The following KIF1A variants were observed in gnomAD, a reference collection of about 807,000 sequenced individuals.
KIF1A encodes the protein kinesin-like protein KIF1A.
KIF1A carries 46 observed loss-of-function variants against 227.3 expected under a neutral mutation model. The ratio of observed to expected loss-of-function variants is 0.20; its 90% CI spans 0.16 to 0.26. The LOEUF (loss-of-function observed/expected upper bound fraction) is 0.26. KIF1A is among the 10% of genes least tolerant of loss of function. The pLI is 1.00. For missense variants in KIF1A, 1,683 were observed against 2,485.9 expected, an observed-to-expected ratio of 0.68 and a Z score of 6.87; for synonymous variants, 1,022 against 1,012.8, an observed-to-expected ratio of 1.01 and a Z score of -0.17.
intron 14 of KIF1A, among the ~76,000 whole-genome samples, chr2:240,771,857 A>G (rs2052043519): frequency 6.6e-6 from 1 of 152,084 alleles, no homozygotes; most frequent in Non-Finnish European, 1.5e-5. Context: ...AAGGCCCGGG[A>G]GGTGGGGCTG....
intron 38 of KIF1A, among the ~76,000 whole-genome samples, chr2:240,732,624 T>C (rs1358710661): frequency 4.1e-5 from 2 of 49,154 alleles, no homozygotes; most frequent in Admixed American, 5.3e-4. Flanking sequence ...GAGGGAGGGA[T>C]GAGGAGATGA....
chr2:240,766,749 T>TCTCTCTCACACACACACACACA lies in KIF1A; in HGVS notation c.1684+165_1684+166insTGTGTGTGTGTGTGTGAGAGAG, dbSNP rs1454271542. ...CTCTCTCTCTCTCTCTCTCTCTCTC[T>TCTCTCTCACACACACACACACA]CACACACACACACACACACACACAC... On this transcript the variant is annotated intron_variant, in intron 19 of 48. Coordinates refer to ENST00000498729, the MANE Select transcript of KIF1A (RefSeq NM_001244008.2). The surrounding 1 kb of genome is among the most constrained non-coding windows in gnomAD (Gnocchi z 5.0). 9.2e-6 allele frequency among the ~76,000 whole-genome samples: 1 copy of TCTCTCTCACACACACACACACA among 108,974 alleles called. No homozygotes were observed. The highest frequency in any genetic ancestry group is 4.1e-5 in the African/African-American group (1 of 24,112). 71.5% of individuals were successfully genotyped at this position (108,974 alleles called of 152,430 possible).
rs1336074190 is a variant in KIF1A, at chr2:240,808,063, G to A, written c.-60-10251C>T. Among the ~76,000 whole-genome samples, 4 of 152,156 alleles carry A rather than the reference G, an allele frequency of 2.6e-5. No homozygotes were observed. The East Asian group carries it at 7.7e-4, about 29-fold the overall frequency. ...CATCACACTTAATGGTAAAATGATA[G>A]GAACATTTCCTTTATATTCAGAAAC... On this transcript the variant is annotated intron_variant, in intron 1 of 48. Coordinates refer to ENST00000498729, the MANE Select transcript of KIF1A (RefSeq NM_001244008.2).
chr2:240,749,314 G>A lies in KIF1A; in HGVS notation c.2977+1115C>T, dbSNP rs1304116832. On this transcript the variant is annotated intron_variant, in intron 28 of 48. Coordinates refer to ENST00000498729, the MANE Select transcript of KIF1A (RefSeq NM_001244008.2). ...CAGGGTGGAGAATATGAGCCATCTC[G>A]GAGTTGGGGGACTTGCCATCTGGGG... 4.6e-5 allele frequency among the ~76,000 whole-genome samples: 7 copies of A among 152,264 alleles called. No individual in the cohort carries two copies. The South Asian group carries it at 1.2e-3, about 27-fold the overall frequency.
intron 32 of KIF1A, among the ~76,000 whole-genome samples, 154 bp downstream of exon 32, chr2:240,745,273 C>T (rs1024424484): frequency 7.2e-5 from 11 of 152,136 alleles, no homozygotes; most frequent in African/African-American, 1.7e-4. Flanking sequence ...GCCCAGAAAT[C>T]GCTCCTACAC....
At chr2:240,787,701 T>G (rs1037137076) in intron 4 of KIF1A, among the ~76,000 whole-genome samples, 2 of 152,136 alleles carry the variant, frequency 1.3e-5, no homozygotes, top group Non-Finnish European at 2.9e-5. Context: ...GTCTGGTGTT[T>G]GGCCACCCCT....
intron 10 of KIF1A, among the ~76,000 whole-genome samples, chr2:240,777,133 T>G (rs1204581847): frequency 1.3e-5 from 2 of 152,142 alleles, no homozygotes; most frequent in Non-Finnish European, 2.9e-5. Context: ...AACCTCCGCC[T>G]CCCGGGTTCA....
At chr2:240,750,639 C>T (rs1023768020) in intron 27 of KIF1A, 92 bp from the exon 28 acceptor site, 4 of 918,144 alleles carry the variant, frequency 4.4e-6, no homozygotes, top group East Asian at 2.6e-5. Context: ...CACGACACAA[C>T]ATGGAGCTGC....
chr2:240,815,811 G>C (rs1383761884), intron 1 of KIF1A, among the ~76,000 whole-genome samples: 1 of 152,228 alleles, frequency 6.6e-6, no homozygotes, highest in African/African-American at 2.4e-5. Flanking sequence ...CTTCTCAGGA[G>C]CCTCAGTCTC....
At position 240,766,741 on chromosome 2, in the gene KIF1A, T is replaced by TCACACACACACACACA. The variant is rs71049519; in HGVS notation, c.1684+173_1684+174insTGTGTGTGTGTGTGTG. 8.0e-5 allele frequency among the ~76,000 whole-genome samples: 9 copies of TCACACACACACACACA among 112,516 alleles called. No homozygotes were observed. The highest frequency in any genetic ancestry group is 1.4e-4 in the Non-Finnish European group (8 of 56,592). 73.8% of individuals were successfully genotyped at this position (112,516 alleles called of 152,430 possible). A position where few individuals can be genotyped will look rare whatever the true frequency, so the allele number is the denominator to read the frequency against. On this transcript the variant is annotated intron_variant, in intron 19 of 48. Transcript: ENST00000498729. The surrounding 1 kb of genome is among the most constrained non-coding windows in gnomAD (Gnocchi z 5.0). ...CTCCAAATCTCTCTCTCTCTCTCTC[T>TCACACACACACACACA]CTCTCTCTCACACACACACACACAC...
chr2:240,774,086 G>A (rs983406491), intron 12 of KIF1A, 97 bp downstream of exon 12: 13 of 720,552 alleles, frequency 1.8e-5, no homozygotes, highest in East Asian at 5.4e-5. Flanking sequence ...ACAAAGAGTC[G>A]CCCCTGGTCA....
rs1214464017 is a variant in KIF1A, at chr2:240,760,651, C to T, written c.2444+14G>A. 6.9e-7 allele frequency: 1 copy of T among 1,453,340 alleles called. No homozygotes were observed. Among genetic ancestry groups the T allele is most frequent in the Non-Finnish European group, 9.1e-7 (1 of 1,102,284 alleles). The allele number at this position is 1,453,340 out of a possible 1,614,324, so 90.0% of individuals were successfully genotyped here. A position where few individuals can be genotyped will look rare whatever the true frequency, so the allele number is the denominator to read the frequency against. ...GACCCTCCCACCATCCACCCAGCGG[C>T]CCTCCAGCCCCACCTGAGCTTCTCC... On this transcript the variant is annotated intron_variant, in intron 25 of 48. Coordinates refer to ENST00000498729, the MANE Select transcript of KIF1A (RefSeq NM_001244008.2).
rs775422191 is a variant in KIF1A at position 240,769,716 on chromosome 2, G to A, written c.1342-10C>T. 1.2e-6 allele frequency: 2 copies of A among 1,612,430 alleles called. No individual in the cohort carries two copies. The highest frequency in any genetic ancestry group is 3.3e-5 in the Admixed American group (2 of 59,954). On this transcript the variant is annotated splice_polypyrimidine_tract_variant and intron_variant, in intron 15 of 48. Transcript: ENST00000498729. ...TGATCTTCTCTGTTTCCTGGGGATT[G>A]AGGCAGAGCACAGTGAGCTGCCGGG... is the stretch of plus-strand genomic sequence containing the variant.
intron 1 of KIF1A, among the ~76,000 whole-genome samples, chr2:240,816,292 CTGTG>C (rs200893181): frequency 0.022 from 3,403 of 151,592 alleles, 114 homozygotes; most frequent in African/African-American, 0.078. Context: ...GTATGAGTGT[CTGTG>C]TGTGTGAATG....
Position 240,772,560 on chromosome 2 carries a change from G to T in KIF1A, c.1207+10C>A. The T allele has an allele frequency of 6.5e-7, 1 of 1,548,090 alleles. No homozygotes were observed. The highest frequency in any genetic ancestry group is 8.7e-7 in the Non-Finnish European group (1 of 1,144,822). On this transcript the variant is annotated intron_variant, in intron 14 of 48. Coordinates refer to ENST00000498729, the MANE Select transcript of KIF1A (RefSeq NM_001244008.2). Reference sequence around the variant, plus strand: ...GCAGAGATGCAGAGAGCAGCAAAGGGAATACACACATTTGGGTCCTCCAGG... The same window carrying T: ...GCAGAGATGCAGAGAGCAGCAAAGGTAATACACACATTTGGGTCCTCCAGG...
rs1390523480 is a variant in KIF1A, at chr2:240,775,854, G to A, written c.955C>T (p.Leu319=). The part of the protein sequence containing the change: ...SVLTWLLREN[L]GGNSRTAMVA... Reference sequence around the variant, plus strand: ...AGGCAAACCCACAAGTTCTCACCCAGGTTTTCCCGGAGGAGCCAGGTCAAC... The same window carrying A: ...AGGCAAACCCACAAGTTCTCACCCAAGTTTTCCCGGAGGAGCCAGGTCAAC... The change falls in exon 11 of 49, where the codon CTG becomes TTG. Residue 319 remains leucine (L), a synonymous_variant. Coordinates refer to ENST00000498729, the MANE Select transcript of KIF1A (RefSeq NM_001244008.2). This position sits in a 1 kb window ranked among gnomAD's most constrained non-coding sequence, Gnocchi z 5.5. 1.2e-6 allele frequency: 2 copies of A among 1,603,936 alleles called. No homozygotes were observed. Among genetic ancestry groups the A allele is most frequent in the East Asian group, 2.2e-5 (1 of 44,828 alleles).
At chr2:240,748,175 A>C (rs3755535) in intron 28 of KIF1A, among the ~76,000 whole-genome samples, 86,131 of 152,034 alleles carry the variant, frequency 0.57, 24,717 homozygotes, top group East Asian at 0.69. Flanking sequence ...AGTATATGAC[A>C]TGGGATAGCA....
chr2:240,795,755 C>T (rs981704272), intron 2 of KIF1A, among the ~76,000 whole-genome samples: 21 of 152,194 alleles, frequency 1.4e-4, no homozygotes, highest in African/African-American at 5.1e-4. Context: ...CCACCCTGGC[C>T]GTCACTTCTG....
At chr2:240,821,119 T>C (rs2058675274), upstream of KIF1A, among the ~76,000 whole-genome samples, 2 of 152,142 alleles carry the variant, frequency 1.3e-5, no homozygotes, top group South Asian at 4.1e-4. Flanking sequence ...AGCTCGCCCA[T>C]GGGAACCTCC....
Sources: gnomAD v4.1 joint callset for allele counts (sites outside exome capture counted in the v4.1 genomes callset) on GRCh38, gnomAD v4.1.1 for gene constraint, Gnocchi (gnomAD v3.1) non-coding constraint, MANE v1.5 for transcripts, NCBI Gene and HGNC (gene_info 2026-07-23, HGNC 2026-07-21) for gene names.